Variants in ITPR2 observed in about 807,000 individuals in gnomAD.
ITPR2 encodes the protein inositol 1,4,5-trisphosphate-gated calcium channel ITPR2.
ITPR2 carries 207 observed loss-of-function variants against 317.1 expected under a neutral mutation model. The ratio of observed to expected loss-of-function variants is 0.65; its 90% confidence interval spans 0.58 to 0.73. The LOEUF (loss-of-function observed/expected upper bound fraction) is 0.73. ITPR2 is among the 30% of genes least tolerant of loss of function. ITPR2 has a pLI of 0.00. For synonymous variants in ITPR2, 1,156 were observed against 1,149.1 expected, an observed-to-expected ratio of 1.01 and a Z score of -0.12; for missense variants, 2,613 against 3,284.0, an observed-to-expected ratio of 0.80 and a Z score of 4.99.
intron 34 of ITPR2, among the ~76,000 whole-genome samples, chr12:26,563,270 C>A (rs1439506757): frequency 6.6e-6 from 1 of 152,178 alleles, no homozygotes; most frequent in Non-Finnish European, 1.5e-5. Flanking sequence ...CAGAGACCAT[C>A]AAGTAAGAGG....
At chr12:26,355,648 A>G (rs1205026312) in intron 55 of ITPR2, among the ~76,000 whole-genome samples, 1 of 152,068 alleles carries the variant, frequency 6.6e-6, no homozygotes, top group African/African-American at 2.4e-5. Context: ...CTCTCCTTTA[A>G]CTCTTATAAA....
At chr12:26,370,187 T>C (rs1939139898) in intron 55 of ITPR2, among the ~76,000 whole-genome samples, 1 of 152,194 alleles carries the variant, frequency 6.6e-6, no homozygotes, top group Admixed American at 6.5e-5. Flanking sequence ...ACCCCTGAAT[T>C]TGTACCTATT....
chr12:26,405,145 A>AAAG (rs917789665), intron 52 of ITPR2, among the ~76,000 whole-genome samples: 11 of 151,976 alleles, frequency 7.2e-5, no homozygotes, highest in South Asian at 2.1e-4. Context: ...AAAAAAAAAA[A>AAAG]AAGAAGAAGA....
chr12:26,698,907 G>A (rs563372866), intron 9 of ITPR2, among the ~76,000 whole-genome samples: 17 of 151,670 alleles, frequency 1.1e-4, no homozygotes, highest in African/African-American at 2.9e-4. Context: ...ATTCTAGCAC[G>A]GTGTCCAGAA....
At chr12:26,737,329 C>T (rs540896235) in intron 2 of ITPR2, among the ~76,000 whole-genome samples, 21 of 151,922 alleles carry the variant, frequency 1.4e-4, no homozygotes, top group Non-Finnish European at 2.8e-4. Context: ...TATCTCAGCT[C>T]ACTGCAACCT....
chr12:26,356,486 C>G (rs1591958623), intron 55 of ITPR2, among the ~76,000 whole-genome samples: 1 of 152,202 alleles, frequency 6.6e-6, no homozygotes, highest in Non-Finnish European at 1.5e-5. Flanking sequence ...AATAATGGCT[C>G]TGTCTGATCA....
Position 26,580,078 on chromosome 12 carries a change from A to T in ITPR2, c.4458T>A (p.Ile1486=). The T allele has an allele frequency of 6.2e-7, 1 of 1,611,848 alleles. No homozygotes were observed. Among genetic ancestry groups the T allele is most frequent in the Non-Finnish European group, 8.5e-7 (1 of 1,178,126 alleles). ...AGGGAGAATTAAAGAAGCCGCTCACAATATTCATTATTGACTCAGTAACAC... is the reference window on the plus strand; with the variant it reads ...AGGGAGAATTAAAGAAGCCGCTCACTATATTCATTATTGACTCAGTAACAC... ...EKCVTESIMN[I]VSGFFNSPFS... The change falls in exon 33 of 57, where the codon ATT becomes ATA. Residue 1486 remains isoleucine (I), a synonymous_variant. Coordinates refer to ENST00000381340, the MANE Select transcript of ITPR2 (RefSeq NM_002223.4).
At chr12:26,663,916 T>A in intron 14 of ITPR2, 70 bp from the exon 15 acceptor site, 1 of 1,342,172 alleles carries the variant, frequency 7.5e-7, no homozygotes, top group Non-Finnish European at 1.0e-6. Flanking sequence ...TTTTAACAAA[T>A]AAGAACATTG....
chr12:26,563,615 A>G (rs553543830), intron 34 of ITPR2, among the ~76,000 whole-genome samples: 1 of 152,262 alleles, frequency 6.6e-6, no homozygotes, highest in African/African-American at 2.4e-5. Flanking sequence ...GAGAGGAAAT[A>G]TATTAAATTC....
chr12:26,822,026 A>G (rs2137294567), intron 1 of ITPR2, among the ~76,000 whole-genome samples: 1 of 152,296 alleles, frequency 6.6e-6, no homozygotes, highest in East Asian at 1.9e-4. Context: ...AGTTTCCTAC[A>G]TAATGTGAAG....
chr12:26,453,123 C>T (rs1941780611), intron 45 of ITPR2, among the ~76,000 whole-genome samples: 1 of 149,354 alleles, frequency 6.7e-6, no homozygotes, highest in African/African-American at 2.5e-5. Context: ...CAGGTTATAC[C>T]TTCTCCTACT....
intron 55 of ITPR2, among the ~76,000 whole-genome samples, chr12:26,346,035 A>G (rs1258921329): frequency 1.3e-5 from 2 of 152,234 alleles, no homozygotes; most frequent in East Asian, 3.8e-4. Flanking sequence ...AGGGTAGTAT[A>G]AAGTCAGGGA....
At chr12:26,666,188 T>A in intron 13 of ITPR2, 137 bp from the exon 14 acceptor site, 1 of 469,640 alleles carries the variant, frequency 2.1e-6, no homozygotes, top group Non-Finnish European at 3.6e-6. Flanking sequence ...TCTTCAGGAG[T>A]GGAACTCAAA....
intron 48 of ITPR2, among the ~76,000 whole-genome samples, chr12:26,432,580 T>A (rs1941240030): frequency 6.6e-6 from 1 of 151,328 alleles, no homozygotes; most frequent in African/African-American, 2.5e-5. Context: ...AGTCACCCAT[T>A]AATTTTAGCA....
intron 1 of ITPR2, among the ~76,000 whole-genome samples, chr12:26,821,988 C>T (rs909590399): frequency 6.6e-6 from 1 of 152,148 alleles, no homozygotes; most frequent in African/African-American, 2.4e-5. Flanking sequence ...CATTTGAGCT[C>T]TCATCTTTAG....
At chr12:26,390,432 C>A (rs73284358) in intron 54 of ITPR2, among the ~76,000 whole-genome samples, 2,911 of 152,162 alleles carry the variant, frequency 0.019, 88 homozygotes, top group African/African-American at 0.066. Context: ...TAAAAAGGAA[C>A]GAAGTACTGA....
chr12:26,484,629 C>T (rs1025262358), intron 41 of ITPR2, among the ~76,000 whole-genome samples: 1 of 151,962 alleles, frequency 6.6e-6, no homozygotes, highest in African/African-American at 2.4e-5. Flanking sequence ...CAACATGTAC[C>T]AATAAACATA....
intron 22 of ITPR2, among the ~76,000 whole-genome samples, chr12:26,628,424 G>C (rs1194881050): frequency 1.3e-5 from 2 of 152,214 alleles, no homozygotes; most frequent in East Asian, 3.8e-4. Context: ...ATTCCAGCTA[G>C]AGGCATCGTG....
At chr12:26,728,549 G>A (rs1250724897) in intron 2 of ITPR2, among the ~76,000 whole-genome samples, 2 of 152,160 alleles carry the variant, frequency 1.3e-5, no homozygotes, top group African/African-American at 4.8e-5. Flanking sequence ...AGAAGGTGGG[G>A]CACACACAGA....
Sources: gnomAD v4.1 joint callset for allele counts (sites outside exome capture counted in the v4.1 genomes callset) on GRCh38, gnomAD v4.1.1 for gene constraint, MANE v1.5 for transcripts, NCBI Gene and HGNC (gene_info 2026-07-23, HGNC 2026-07-21) for gene names.